The following NCKAP5 variants were observed in gnomAD, a reference collection of about 807,000 sequenced individuals.
The protein encoded by NCKAP5 is NCK associated protein 5.
Under a neutral mutation model 167.0 loss-of-function variants are expected in NCKAP5, and 92 were observed. The observed-to-expected ratio is 0.55, with a 90% CI of 0.47 to 0.66. The LOEUF (loss-of-function observed/expected upper bound fraction) is 0.66. Ranked by LOEUF, NCKAP5 falls within the 30% of genes least tolerant of loss-of-function variation. NCKAP5 has a pLI of 0.00. For synonymous variants in NCKAP5, 891 were observed against 877.4 expected (o/e 1.02, Z -0.27); for missense variants, 2,378 against 2,315.0 (o/e 1.03, Z -0.56).
intron 4 of NCKAP5, among the ~76,000 whole-genome samples, chr2:133,225,555 T>C (rs1276414159): frequency 1.3e-5 from 2 of 152,118 alleles, no homozygotes; most frequent in African/African-American, 4.8e-5. Flanking sequence ...AAACATTCCT[T>C]CATTTGTGGA....
intron 9 of NCKAP5, among the ~76,000 whole-genome samples, chr2:132,871,094 T>G (rs573959162): frequency 4.7e-4 from 72 of 152,328 alleles, no homozygotes; most frequent in African/African-American, 1.7e-3. Flanking sequence ...GTTACAGAAC[T>G]ACCACAGACC....
chr2:132,725,615 G>A lies in NCKAP5; in HGVS notation c.5713+12C>T, dbSNP rs201595732. The A allele has an allele frequency of 1.4e-4, 217 of 1,602,136 alleles. 3 individuals are homozygous for A. The highest frequency in any genetic ancestry group is 1.1e-3 in the East Asian group (50 of 44,450). On this transcript the variant is annotated intron_variant, in intron 19 of 19. Coordinates refer to ENST00000409261, the MANE Select transcript of NCKAP5 (RefSeq NM_207363.3). ...AGGAACCTGCAGGGCCAGCAAGTTCGCTGGTTGTTACCTGGGGCAGCGCTC... is the reference window on the plus strand; with the variant it reads ...AGGAACCTGCAGGGCCAGCAAGTTCACTGGTTGTTACCTGGGGCAGCGCTC...
intron 19 of NCKAP5, among the ~76,000 whole-genome samples, chr2:132,684,874 C>T (rs2105071156): frequency 6.6e-6 from 1 of 152,286 alleles, no homozygotes; most frequent in Non-Finnish European, 1.5e-5. Context: ...CTTCCAATCT[C>T]ATTAGCCCAA....
intron 5 of NCKAP5, among the ~76,000 whole-genome samples, chr2:133,175,110 T>C (rs1053698739): frequency 1.3e-5 from 2 of 151,656 alleles, no homozygotes; most frequent in Non-Finnish European, 3.0e-5. Flanking sequence ...TACAGTTCTC[T>C]AACTACTGAA....
intron 6 of NCKAP5, among the ~76,000 whole-genome samples, chr2:133,079,366 C>T (rs2080726373): frequency 6.6e-6 from 1 of 152,088 alleles, no homozygotes; most frequent in South Asian, 2.1e-4. Flanking sequence ...CCAAAATTAA[C>T]TGAAAAAGTT....
chr2:133,028,886 G>A (rs2078783868), intron 6 of NCKAP5, among the ~76,000 whole-genome samples: 1 of 152,048 alleles, frequency 6.6e-6, no homozygotes, highest in Admixed American at 6.6e-5. Context: ...AAGTTCTCAT[G>A]AGATCTGGTC....
chr2:132,908,897 A>G (rs1694213086), intron 8 of NCKAP5, among the ~76,000 whole-genome samples: 2 of 152,222 alleles, frequency 1.3e-5, no homozygotes, highest in South Asian at 2.1e-4. Flanking sequence ...GCTGATTACA[A>G]TTACGAATCT....
intron 6 of NCKAP5, among the ~76,000 whole-genome samples, chr2:133,098,401 C>T (rs76002366): frequency 1.5e-3 from 233 of 152,200 alleles, no homozygotes; most frequent in African/African-American, 5.4e-3. Flanking sequence ...CGAATGACTC[C>T]ATCATGATTA....
chr2:132,959,264 T>C (rs2076437614), intron 8 of NCKAP5, among the ~76,000 whole-genome samples: 1 of 152,086 alleles, frequency 6.6e-6, no homozygotes, highest in African/African-American at 2.4e-5. Context: ...AAAGGTATAA[T>C]TGAGTAGAAA....
At chr2:133,481,666 T>C (rs772059574) in intron 3 of NCKAP5, among the ~76,000 whole-genome samples, 1 of 152,184 alleles carries the variant, frequency 6.6e-6, no homozygotes, top group Non-Finnish European at 1.5e-5. Flanking sequence ...CTCCCACTTA[T>C]AAGTGAGAAC....
intron 8 of NCKAP5, among the ~76,000 whole-genome samples, chr2:132,924,464 T>TTGTGTGAG (rs1695693795): frequency 6.6e-6 from 1 of 152,214 alleles, no homozygotes; most frequent in South Asian, 2.1e-4. Flanking sequence ...TCCTTTTGTG[T>TTGTGTGAG]TGTGTGAGTT....
At chr2:133,669,283 C>A in the NCKAP5 span, among the ~76,000 whole-genome samples, 8 of 152,120 alleles carry the variant, frequency 5.3e-5, no homozygotes, top group African/African-American at 1.9e-4. Flanking sequence ...TTGTTGCAAG[C>A]CTTTCTTTAA....
intron 6 of NCKAP5, among the ~76,000 whole-genome samples, chr2:133,073,759 AT>A (rs1012343288): frequency 1.1e-4 from 16 of 152,324 alleles, no homozygotes; most frequent in African/African-American, 3.6e-4. Flanking sequence ...GATCATCCAT[AT>A]TGGGTCGTTT....
At chr2:133,190,674 A>T (rs1574326122) in intron 5 of NCKAP5, among the ~76,000 whole-genome samples, 1 of 152,218 alleles carries the variant, frequency 6.6e-6, no homozygotes, top group East Asian at 1.9e-4. Context: ...TGGGGAGAGG[A>T]TTCCCTATTT....
In NCKAP5 at chr2:133,534,792, C is replaced by T. The variant is rs540421132; in HGVS notation, c.-61-17205G>A. On this transcript the variant is annotated intron_variant, in intron 2 of 19. Transcript: ENST00000409261. ...TTTCCACATTTTTGTTAAAACACTC[C>T]TGTACAACTTTTTATATGGACATAT... 7.2e-5 allele frequency among the ~76,000 whole-genome samples: 11 copies of T among 152,212 alleles called. No individual in the cohort carries two copies. In the South Asian group the frequency reaches 2.3e-3, roughly 32 times the overall value.
chr2:132,844,702 A>T (rs2105443855), intron 11 of NCKAP5, among the ~76,000 whole-genome samples: 1 of 152,232 alleles, frequency 6.6e-6, no homozygotes, highest in African/African-American at 2.4e-5. Context: ...ATGGCCATTT[A>T]GGCTGTTTCT....
chr2:132,806,662 G>A (rs1685465010), intron 11 of NCKAP5, among the ~76,000 whole-genome samples: 1 of 152,086 alleles, frequency 6.6e-6, no homozygotes, highest in African/African-American at 2.4e-5. Context: ...TGTAGATTCA[G>A]GATATTAGTC....
At chr2:132,852,845 C>A (rs1406969009) in intron 11 of NCKAP5, among the ~76,000 whole-genome samples, 1 of 152,126 alleles carries the variant, frequency 6.6e-6, no homozygotes, top group Non-Finnish European at 1.5e-5. Flanking sequence ...CCTCTGAGGA[C>A]CTTGGATGGT....
At chr2:132,730,031 G>A (rs930587096) in intron 17 of NCKAP5, among the ~76,000 whole-genome samples, 6 of 152,162 alleles carry the variant, frequency 3.9e-5, no homozygotes, top group African/African-American at 1.2e-4. Flanking sequence ...ATGCATAACC[G>A]ATGGACACAG....
Sources: gnomAD v4.1 joint callset for allele counts (sites outside exome capture counted in the v4.1 genomes callset) on GRCh38, gnomAD v4.1.1 for gene constraint, MANE v1.5 for transcripts, NCBI Gene and HGNC (gene_info 2026-07-23, HGNC 2026-07-21) for gene names.